The following ANKRD36B variants were observed in gnomAD, a reference collection of about 807,000 sequenced individuals.
The protein encoded by ANKRD36B is ankyrin repeat domain-containing protein 36B.
A neutral mutation model predicts 135.7 loss-of-function variants in ANKRD36B; 37 were observed. The observed-to-expected ratio is 0.27, with a 90% CI of 0.21 to 0.36. The LOEUF (loss-of-function observed/expected upper bound fraction) is 0.36, where lower values mean the gene tolerates loss of function less well. ANKRD36B is among the 10% of genes least tolerant of loss of function. The pLI is 1.00. For missense variants in ANKRD36B, 549 were observed against 1,037.1 expected (o/e 0.53, Z 6.46); for synonymous variants, 179 against 348.1 (o/e 0.51, Z 5.41).
chr2:97,564,747 C>T (rs1260748567), intron 6 of ANKRD36B, among the ~76,000 whole-genome samples: 3 of 152,116 alleles, frequency 2.0e-5, no homozygotes, highest in Admixed American at 6.6e-5. Flanking sequence ...TCTTTTGGTA[C>T]CAGTACCATG....
At chr2:97,585,975 G>C (rs543711959) in intron 1 of ANKRD36B, among the ~76,000 whole-genome samples, 33 of 152,042 alleles carry the variant, frequency 2.2e-4, no homozygotes, top group Non-Finnish European at 4.7e-4. Flanking sequence ...TTGGAAAACT[G>C]TTTACAATTC....
intron 20 of ANKRD36B, 44 bp from the exon 21 acceptor site, chr2:97,547,775 A>G (rs1285551205): frequency 6.5e-7 from 1 of 1,541,490 alleles, no homozygotes; most frequent in South Asian, 1.2e-5. Flanking sequence ...TGTAAAAATG[A>G]CAAAATTATC....
intron 6 of ANKRD36B, among the ~76,000 whole-genome samples, chr2:97,575,841 C>T (rs2082196730): frequency 6.6e-6 from 1 of 152,060 alleles, no homozygotes; most frequent in Non-Finnish European, 1.5e-5. Context: ...AAGGAAACTA[C>T]AGCTTTAACT....
At chr2:97,562,956 G>A (rs1264243507) in intron 6 of ANKRD36B, among the ~76,000 whole-genome samples, 4 of 151,760 alleles carry the variant, frequency 2.6e-5, no homozygotes, top group Non-Finnish European at 4.4e-5. Context: ...CTCATATTAT[G>A]AGTTATTATC....
Position 97,527,161 on chromosome 2 carries a change from C to T in ANKRD36B, c.2266-3694G>A, listed in dbSNP as rs1324721424. ...GTTAAGGGCAACCAGAGAGAAAGGT[C>T]GGGTTACCCACAAAGGGAAGCCCAT... On this transcript the variant is annotated intron_variant, in intron 35 of 43. Coordinates refer to ENST00000359901, the MANE Select transcript of ANKRD36B (RefSeq NM_001393939.1). Among the ~76,000 whole-genome samples the T allele has an allele frequency of 1.8e-4, 17 of 95,296 alleles. 2 individuals are homozygous for T. The highest frequency in any genetic ancestry group is 5.1e-4 in the African/African-American group (16 of 31,612). 62.5% of individuals were successfully genotyped at this position (95,296 alleles called of 152,430 possible).
intron 3 of ANKRD36B, among the ~76,000 whole-genome samples, chr2:97,581,962 C>T (rs1158182191): frequency 6.6e-6 from 1 of 150,812 alleles, no homozygotes. Context: ...GCGTGTGCCA[C>T]CACACCCAGC....
At chr2:97,551,529 GTTA>G in intron 16 of ANKRD36B, 49 bp from the exon 17 acceptor site, 1 of 1,604,958 alleles carries the variant, frequency 6.2e-7, no homozygotes, top group Non-Finnish European at 8.5e-7. Flanking sequence ...CTATGACAAA[GTTA>G]TCCATACATT....
intron 6 of ANKRD36B, among the ~76,000 whole-genome samples, chr2:97,570,858 A>G (rs1487435433): frequency 2.0e-5 from 3 of 152,212 alleles, no homozygotes; most frequent in African/African-American, 7.2e-5. Context: ...ACTCTGACAT[A>G]GTGGCATTAT....
intron 26 of ANKRD36B, among the ~76,000 whole-genome samples, chr2:97,543,132 G>A (rs2079232888): frequency 1.3e-5 from 2 of 152,116 alleles, no homozygotes; most frequent in Non-Finnish European, 1.5e-5. Context: ...ACAAAGAAGA[G>A]TAATTAGTAA....
At chr2:97,563,049 C>A (rs2081167784) in intron 6 of ANKRD36B, among the ~76,000 whole-genome samples, 1 of 152,014 alleles carries the variant, frequency 6.6e-6, no homozygotes, top group South Asian at 2.1e-4. Context: ...AGGATATGAA[C>A]ACTTTTATGT....
intron 1 of ANKRD36B, among the ~76,000 whole-genome samples, chr2:97,588,429 T>C (rs2083179141): frequency 6.6e-6 from 1 of 152,008 alleles, no homozygotes; most frequent in Non-Finnish European, 1.5e-5. Flanking sequence ...TTCCTGGATT[T>C]TCTAACCTGT....
chr2:97,549,410 C>T lies in ANKRD36B; in HGVS notation c.1477+9G>A, dbSNP rs755218918. ...CTGAACATGACATTAAATCTGTTTT[C>T]AAAATTACCTGTCCTAGATTTTTCT... On this transcript the variant is annotated intron_variant, in intron 20 of 43. Coordinates refer to ENST00000359901, the MANE Select transcript of ANKRD36B (RefSeq NM_001393939.1). The T allele has an allele frequency of 1.1e-5, 17 of 1,552,738 alleles. No homozygotes were observed. The Admixed American group carries it at 2.9e-4, about 26-fold the overall frequency.
intron 43 of ANKRD36B, among the ~76,000 whole-genome samples, chr2:97,496,308 G>A (rs1377352933): frequency 9.9e-6 from 1 of 101,440 alleles, no homozygotes; most frequent in South Asian, 2.3e-4. Context: ...AGCTAGCAGA[G>A]GTTGGTTCAT....
intron 6 of ANKRD36B, among the ~76,000 whole-genome samples, chr2:97,562,707 A>G (rs932880562): frequency 6.6e-6 from 1 of 151,994 alleles, no homozygotes; most frequent in African/African-American, 2.4e-5. Context: ...TCATTTCTTC[A>G]TTATTTTCAC....
In ANKRD36B at chr2:97,553,342, C is replaced by T; in HGVS notation, c.1200+1G>A. 2 of 1,609,664 alleles carry T rather than the reference C, an allele frequency of 1.2e-6. No homozygotes were observed. Among genetic ancestry groups the T allele is most frequent in the Non-Finnish European group, 1.7e-6 (2 of 1,178,546 alleles). ...CACAACATAAATGAGAGTTCAATTA[C>T]CTTCAAGGCTTGTTGTTTCTGAGAA... On this transcript the variant is annotated splice_donor_variant, in intron 15 of 43. Coordinates refer to ENST00000359901, the MANE Select transcript of ANKRD36B (RefSeq NM_001393939.1). LOFTEE classifies it high-confidence loss of function.
Position 97,552,179 on chromosome 2 carries a change from T to C in ANKRD36B, c.1274-699A>G, listed in dbSNP as rs117072663. On this transcript the variant is annotated intron_variant, in intron 16 of 43. Coordinates refer to ENST00000359901, the MANE Select transcript of ANKRD36B (RefSeq NM_001393939.1). ...TATACTAGCCTCAATAAAAATATCA[T>C]CTATTATCAATTTTGACATACTTCT... Among the ~76,000 whole-genome samples, 1,008 of 152,072 alleles carry C rather than the reference T, an allele frequency of 6.6e-3. 59 individuals are homozygous for C. The East Asian group carries it at 0.11, about 17-fold the overall frequency.
rs1214202801 is a variant in ANKRD36B at position 97,495,957 on chromosome 2, TAAATAC to T, written c.*7-3108_*7-3103del. 2.8e-5 allele frequency among the ~76,000 whole-genome samples: 3 copies of T among 106,446 alleles called. 1 individual carries two copies. The highest frequency in any genetic ancestry group is 7.7e-5 in the African/African-American group (3 of 38,716). 69.8% of individuals were successfully genotyped at this position (106,446 alleles called of 152,430 possible). A position where few individuals can be genotyped will look rare whatever the true frequency, so the allele number is the denominator to read the frequency against. On this transcript the variant is annotated intron_variant, in intron 43 of 43. Coordinates refer to ENST00000359901, the MANE Select transcript of ANKRD36B (RefSeq NM_001393939.1). Reference sequence around the variant, plus strand: ...CATTAGCCCCCATGATGCCAGTATTTAAATACAAAGCTAGAAATGATTAATAGGGTG... The same window carrying T: ...CATTAGCCCCCATGATGCCAGTATTTAAAGCTAGAAATGATTAATAGGGTG...
chr2:97,496,210 A>C (rs563462036), intron 43 of ANKRD36B, among the ~76,000 whole-genome samples: 1 of 107,728 alleles, frequency 9.3e-6, no homozygotes, highest in Admixed American at 8.4e-5. Context: ...TCGCTAAGCC[A>C]AAGCTGAATC....
intron 6 of ANKRD36B, among the ~76,000 whole-genome samples, chr2:97,564,058 T>C (rs552470470): frequency 2.6e-5 from 4 of 152,080 alleles, no homozygotes; most frequent in African/African-American, 9.6e-5. Flanking sequence ...TGAACTTTTC[T>C]ACAAGGTTTT....
Sources: gnomAD v4.1 joint callset for allele counts (sites outside exome capture counted in the v4.1 genomes callset) on GRCh38, gnomAD v4.1.1 for gene constraint, MANE v1.5 for transcripts, NCBI Gene and HGNC (gene_info 2026-07-23, HGNC 2026-07-21) for gene names.